Variants in SDK1 observed in about 807,000 individuals in gnomAD.
SDK1 encodes the protein protein sidekick-1.
In SDK1, 157 loss-of-function variants were observed where a neutral mutation model predicts 245.5. The observed-to-expected ratio is 0.64, with a 90% CI of 0.56 to 0.73. The LOEUF (loss-of-function observed/expected upper bound fraction) is 0.73, where lower values mean the gene tolerates loss of function less well. Among genes scored for constraint, SDK1 ranks in the 30% least tolerant of loss-of-function variants. SDK1 has a pLI of 0.00. For missense variants in SDK1, 3,583 were observed against 3,002.3 expected (o/e 1.19, Z -4.52); for synonymous variants, 1,647 against 1,278.5 (o/e 1.29, Z -6.15).
chr7:3,684,736 T>C (rs1784224311), intron 4 of SDK1, among the ~76,000 whole-genome samples: 1 of 143,736 alleles, frequency 7.0e-6, no homozygotes, highest in Non-Finnish European at 1.5e-5. Flanking sequence ...CTTCGGTAAG[T>C]AATTTTGAAT....
chr7:4,195,481 A>G (rs1173947272), intron 35 of SDK1, among the ~76,000 whole-genome samples: 1 of 152,088 alleles, frequency 6.6e-6, no homozygotes, highest in Non-Finnish European at 1.5e-5. Context: ...CTGGAGCCAC[A>G]GCTCCCAAAT....
intron 35 of SDK1, among the ~76,000 whole-genome samples, chr7:4,182,354 C>T (rs1554254803): frequency 6.6e-6 from 1 of 152,228 alleles, no homozygotes; most frequent in Non-Finnish European, 1.5e-5. Context: ...TCTAATGCTG[C>T]TCCTCCCCAT....
At chr7:3,484,570 G>A (rs1158902964) in intron 1 of SDK1, among the ~76,000 whole-genome samples, 1 of 152,062 alleles carries the variant, frequency 6.6e-6, no homozygotes, top group Admixed American at 6.6e-5. Context: ...AGTTAACTAT[G>A]GTCTCCTGCC....
chr7:4,103,836 G>T (rs1011527344), intron 22 of SDK1, among the ~76,000 whole-genome samples: 1 of 152,222 alleles, frequency 6.6e-6, no homozygotes, highest in African/African-American at 2.4e-5. Flanking sequence ...CTCCAGCAGG[G>T]CTTGCCACAC....
At chr7:4,048,715 C>G (rs763883067) in intron 17 of SDK1, among the ~76,000 whole-genome samples, 14 of 152,328 alleles carry the variant, frequency 9.2e-5, no homozygotes, top group East Asian at 5.8e-4. Context: ...CTGCCTCTTA[C>G]AGTTACACGA....
At chr7:3,788,465 A>G (rs1044181069) in intron 4 of SDK1, among the ~76,000 whole-genome samples, 2 of 152,126 alleles carry the variant, frequency 1.3e-5, no homozygotes, top group Non-Finnish European at 2.9e-5. Flanking sequence ...CCCAGTCTGC[A>G]TTTGAAGTGG....
rs754389256 is a variant in SDK1 at position 4,145,873 on chromosome 7, G to T, written c.4380G>T (p.Trp1460Cys). The T allele has an allele frequency of 3.7e-6, 6 of 1,613,336 alleles. No homozygotes were observed. The South Asian group carries it at 4.4e-5, about 12-fold the overall frequency. Residue 1460 changes from tryptophan to cysteine, a missense_variant, in exon 29 of 45, where the codon TGG (tryptophan) becomes TGT (cysteine). Transcript: ENST00000404826. ...FRLSAKTRQG[W>C]GEPLEATVIT... ...TGTCCGCCAAGACGAGGCAGGGCTG[G>T]GGGGAGCCACTGGAGGCCACCGTCA...
chr7:3,538,662 G>A (rs1417137330), intron 1 of SDK1, among the ~76,000 whole-genome samples: 1 of 152,100 alleles, frequency 6.6e-6, no homozygotes, highest in Non-Finnish European at 1.5e-5. Context: ...AGTCCACATG[G>A]TTTCCTCGTG....
intron 27 of SDK1, among the ~76,000 whole-genome samples, chr7:4,131,609 A>G (rs183559611): frequency 6.6e-6 from 1 of 152,316 alleles, no homozygotes; most frequent in East Asian, 1.9e-4. Context: ...AATTCCAACA[A>G]GAAGCTCTCA....
intron 5 of SDK1, among the ~76,000 whole-genome samples, chr7:3,924,710 G>T (rs1353597032): frequency 2.0e-5 from 3 of 152,128 alleles, no homozygotes; most frequent in African/African-American, 7.2e-5. Flanking sequence ...GAGAGTTCTG[G>T]CATGCTAATT....
At chr7:3,516,165 A>G (rs1380999385) in intron 1 of SDK1, among the ~76,000 whole-genome samples, 1 of 150,760 alleles carries the variant, frequency 6.6e-6, no homozygotes, top group East Asian at 2.0e-4. Context: ...GCATGTATAT[A>G]AACATATATA....
intron 1 of SDK1, among the ~76,000 whole-genome samples, chr7:3,322,272 G>A (rs1034185345): frequency 1.3e-5 from 2 of 152,022 alleles, no homozygotes; most frequent in African/African-American, 2.4e-5. Context: ...CTTTTGCCTG[G>A]TGTGATGTTT....
intron 5 of SDK1, among the ~76,000 whole-genome samples, chr7:3,926,197 G>A (rs1029895688): frequency 6.6e-6 from 1 of 152,142 alleles, no homozygotes; most frequent in Admixed American, 6.5e-5. Context: ...TTGGTGCTGA[G>A]CCTCTAGATG....
Position 3,324,413 on chromosome 7 carries a change from T to C in SDK1, c.298+22529T>C, listed in dbSNP as rs896288560. Among the ~76,000 whole-genome samples the C allele has an allele frequency of 2.6e-5, 4 of 152,148 alleles. 1 individual carries two copies. The highest frequency in any genetic ancestry group is 2.6e-4 in the Admixed American group (4 of 15,274). ...AGCTCCCTTAAAGGCAGTTTTTTGCTTGCCTGTTAATTTGATGAACTTTCA... is the reference window on the plus strand; with the variant it reads ...AGCTCCCTTAAAGGCAGTTTTTTGCCTGCCTGTTAATTTGATGAACTTTCA... On this transcript the variant is annotated intron_variant, in intron 1 of 44. Transcript: ENST00000404826.
intron 5 of SDK1, among the ~76,000 whole-genome samples, chr7:3,862,024 G>A (rs1780705661): frequency 6.6e-6 from 1 of 152,200 alleles, no homozygotes; most frequent in Admixed American, 6.5e-5. Flanking sequence ...GTATTATTGT[G>A]TATAAATGTT....
chr7:3,790,598 G>A (rs896918026), intron 4 of SDK1, among the ~76,000 whole-genome samples: 1 of 152,114 alleles, frequency 6.6e-6, no homozygotes, highest in Admixed American at 6.5e-5. Flanking sequence ...ACTTGAGGTC[G>A]GGAGTTCGAG....
chr7:3,512,340 A>G (rs116105457), intron 1 of SDK1, among the ~76,000 whole-genome samples: 2 of 152,282 alleles, frequency 1.3e-5, no homozygotes, highest in African/African-American at 4.8e-5. Flanking sequence ...TTGTGTGGCT[A>G]TATCAAAGTT....
At chr7:3,946,373 T>G (rs2128123489) in intron 5 of SDK1, among the ~76,000 whole-genome samples, 1 of 152,198 alleles carries the variant, frequency 6.6e-6, no homozygotes, top group African/African-American at 2.4e-5. Context: ...AGACATGGGG[T>G]TTCACTATGT....
At chr7:3,626,060 C>T (rs958883241) in intron 2 of SDK1, among the ~76,000 whole-genome samples, 1 of 151,390 alleles carries the variant, frequency 6.6e-6, no homozygotes, top group African/African-American at 2.4e-5. Flanking sequence ...CCTTCTGCAC[C>T]AGCCTCCCTA....
Sources: gnomAD v4.1 joint callset for allele counts (sites outside exome capture counted in the v4.1 genomes callset) on GRCh38, gnomAD v4.1.1 for gene constraint, MANE v1.5 for transcripts, NCBI Gene and HGNC (gene_info 2026-07-23, HGNC 2026-07-21) for gene names.